Variants in GPHN observed in about 807,000 individuals in gnomAD.
The protein encoded by GPHN is gephyrin.
Under a neutral mutation model 95.5 loss-of-function variants are expected in GPHN, and 17 were observed. The observed-to-expected ratio is 0.18, with a 90% CI of 0.12 to 0.27. The LOEUF (loss-of-function observed/expected upper bound fraction) is 0.27, where lower values mean the gene tolerates loss of function less well. Among genes scored for constraint, GPHN ranks in the 10% least tolerant of loss-of-function variants. GPHN has a pLI of 1.00. For missense variants in GPHN, 660 were observed against 978.1 expected, an observed-to-expected ratio of 0.67 and a Z score of 4.34; for synonymous variants, 320 against 322.5, an observed-to-expected ratio of 0.99 and a Z score of 0.08.
chr14:66,516,763 A>T lies in GPHN; in HGVS notation c.64+8172A>T, dbSNP rs547952278. 2.6e-5 allele frequency among the ~76,000 whole-genome samples: 4 copies of T among 152,352 alleles called. No individual in the cohort carries two copies. In the South Asian group the frequency reaches 8.3e-4, roughly 32 times the overall value. On this transcript the variant is annotated intron_variant, in intron 1 of 22. Transcript: ENST00000478722. ...TTAATTATTTCTTGTTCTTTTAAAAAACACATTAATGTGCACTTGAAATTA... is the reference window on the plus strand; with the variant it reads ...TTAATTATTTCTTGTTCTTTTAAAATACACATTAATGTGCACTTGAAATTA...
At chr14:66,949,768 A>G (rs2067979294) in intron 8 of GPHN, among the ~76,000 whole-genome samples, 1 of 152,168 alleles carries the variant, frequency 6.6e-6, no homozygotes. Context: ...TAAGTGGCAA[A>G]AATAATTATT....
chr14:67,042,854 A>G (rs1276368996), intron 10 of GPHN, among the ~76,000 whole-genome samples: 3 of 152,166 alleles, frequency 2.0e-5, no homozygotes, highest in South Asian at 4.1e-4. Flanking sequence ...GGTTCTTCCT[A>G]TCCATGAGCA....
chr14:66,565,514 G>A (rs1041080156), intron 1 of GPHN, among the ~76,000 whole-genome samples: 1 of 152,042 alleles, frequency 6.6e-6, no homozygotes, highest in East Asian at 1.9e-4. Flanking sequence ...TGCCCAAGCT[G>A]GTCTTGAACT....
At chr14:66,521,274 G>A (rs903646104) in intron 1 of GPHN, among the ~76,000 whole-genome samples, 4 of 151,282 alleles carry the variant, frequency 2.6e-5, no homozygotes, top group African/African-American at 4.9e-5. Flanking sequence ...TTTTTTTCTC[G>A]TGACATTTGT....
chr14:67,210,530 T>G, the GPHN span, among the ~76,000 whole-genome samples: 2 of 152,364 alleles, frequency 1.3e-5, no homozygotes, highest in Non-Finnish European at 2.9e-5. Flanking sequence ...AATGGTATTT[T>G]ATTTCTATAG....
chr14:67,435,829 G>T, the GPHN span, among the ~76,000 whole-genome samples: 1 of 152,212 alleles, frequency 6.6e-6, no homozygotes, highest in African/African-American at 2.4e-5. Flanking sequence ...ACGTCCATTG[G>T]TGGTGCCAGC....
chr14:66,629,168 A>AAT lies in GPHN; in HGVS notation c.65-51929_65-51928dup, dbSNP rs568151658. On this transcript the variant is annotated intron_variant, in intron 1 of 22. Coordinates refer to ENST00000478722, the MANE Select transcript of GPHN (RefSeq NM_020806.5). ...ATATACATATATAAATATGTATATA[A>AAT]ATATATATATACATATATAAATATG... 2.6e-4 allele frequency among the ~76,000 whole-genome samples: 26 copies of AAT among 100,648 alleles called. 4 individuals carry two copies. Among genetic ancestry groups the AAT allele is most frequent in the South Asian group, 1.4e-3 (5 of 3,636 alleles). The allele number at this position is 100,648 out of a possible 152,430, so 66.0% of individuals were successfully genotyped here.
chr14:66,660,971 G>A (rs137915318), intron 1 of GPHN, among the ~76,000 whole-genome samples: 116 of 152,230 alleles, frequency 7.6e-4, no homozygotes, highest in Non-Finnish European at 1.3e-3. Context: ...CAGGGCCTTC[G>A]GTCTGACACA....
chr14:67,730,714 C>T, the GPHN span, among the ~76,000 whole-genome samples: 4 of 152,264 alleles, frequency 2.6e-5, no homozygotes, highest in East Asian at 7.7e-4. Flanking sequence ...AGCGATTCTC[C>T]TGACTCAGCC....
chr14:67,422,526 A>C, the GPHN span, among the ~76,000 whole-genome samples: 4 of 152,220 alleles, frequency 2.6e-5, no homozygotes, highest in Non-Finnish European at 5.9e-5. Context: ...AAGTTAAATG[A>C]ATAAAGGTAG....
chr14:67,045,637 A>C (rs1349262443), intron 10 of GPHN, among the ~76,000 whole-genome samples: 38 of 101,610 alleles, frequency 3.7e-4, no homozygotes, highest in African/African-American at 6.4e-4. Context: ...CCATCTGTCC[A>C]TCTCTCTCTG....
At chr14:66,732,563 C>A (rs1219043183) in intron 2 of GPHN, among the ~76,000 whole-genome samples, 2 of 152,228 alleles carry the variant, frequency 1.3e-5, no homozygotes, top group Admixed American at 6.5e-5. Context: ...TTCGCCCAGG[C>A]TGGAGTGCAA....
chr14:66,945,091 G>A (rs1488464453), intron 8 of GPHN, among the ~76,000 whole-genome samples: 1 of 152,090 alleles, frequency 6.6e-6, no homozygotes, highest in African/African-American at 2.4e-5. Context: ...CAAAAATGTT[G>A]TAGAAAAAAA....
At chr14:66,749,814 A>C (rs149507840) in intron 2 of GPHN, among the ~76,000 whole-genome samples, 1 of 150,704 alleles carries the variant, frequency 6.6e-6, no homozygotes, top group East Asian at 1.9e-4. Flanking sequence ...TTCCCTTCAC[A>C]GTGCCTTTTA....
chr14:66,618,477 T>C (rs2063144776), intron 1 of GPHN, among the ~76,000 whole-genome samples: 1 of 152,174 alleles, frequency 6.6e-6, no homozygotes, highest in African/African-American at 2.4e-5. Flanking sequence ...GTAGAGATGG[T>C]AAAATGTTAA....
chr14:67,556,743 A>G, the GPHN span, among the ~76,000 whole-genome samples: 2 of 152,224 alleles, frequency 1.3e-5, no homozygotes, highest in Admixed American at 6.5e-5. Flanking sequence ...TTTTAAATAA[A>G]TATATACATA....
At chr14:67,620,144 A>G in the GPHN span, 32 of 1,319,692 alleles carry the variant, frequency 2.4e-5, no homozygotes, top group Non-Finnish European at 3.2e-5. Context: ...TAGAACCTGG[A>G]GACAGCGGCG....
chr14:67,309,835 CTT>C, the GPHN span, among the ~76,000 whole-genome samples: 1 of 152,070 alleles, frequency 6.6e-6, no homozygotes, highest in Non-Finnish European at 1.5e-5. Flanking sequence ...AGCAAAAACA[CTT>C]TGAAAAACAA....
the GPHN span, among the ~76,000 whole-genome samples, chr14:67,701,142 C>G: frequency 4.5e-3 from 674 of 149,214 alleles, 5 homozygotes; most frequent in African/African-American, 0.016. Flanking sequence ...AAAGAACGAA[C>G]AACAACGATT....
Sources: allele counts gnomAD v4.1 joint callset (sites outside exome capture counted in the v4.1 genomes callset), GRCh38; gene constraint gnomAD v4.1.1; transcripts MANE v1.5; gene names NCBI Gene and HGNC (gene_info 2026-07-23, HGNC 2026-07-21).